Variants in LRRC1 observed in about 807,000 individuals in gnomAD.
LRRC1 encodes leucine rich repeat containing 1, also known as leucine-rich repeat-containing protein 1.
A neutral mutation model predicts 69.9 loss-of-function variants in LRRC1; 28 were observed. The ratio of observed to expected loss-of-function variants is 0.40; its 90% CI spans 0.30 to 0.55. The LOEUF is 0.55. Ranked by LOEUF, LRRC1 falls within the 20% of genes least tolerant of loss-of-function variation. LRRC1 has a pLI of 0.47. For missense variants in LRRC1, 498 were observed against 609.0 expected, an observed-to-expected ratio of 0.82 and a Z score of 1.92; for synonymous variants, 236 against 240.2, an observed-to-expected ratio of 0.98 and a Z score of 0.16.
At chr6:53,914,359 A>C (rs1581919314) in intron 11 of LRRC1, among the ~76,000 whole-genome samples, 1 of 152,150 alleles carries the variant, frequency 6.6e-6, no homozygotes, top group South Asian at 2.1e-4. Context: ...GTGAGTGCAA[A>C]TGAGTTTGAA....
chr6:53,805,978 C>T (rs1764626628), intron 1 of LRRC1, among the ~76,000 whole-genome samples: 1 of 152,188 alleles, frequency 6.6e-6, no homozygotes, highest in African/African-American at 2.4e-5. Context: ...AGTTAGCTGC[C>T]CTTAGTTGCT....
At chr6:53,861,788 T>G (rs189304788) in intron 2 of LRRC1, among the ~76,000 whole-genome samples, 11 of 152,032 alleles carry the variant, frequency 7.2e-5, no homozygotes, top group Non-Finnish European at 1.5e-4. Context: ...AATGACTCAT[T>G]CAGCCTGTGG....
At chr6:53,854,148 A>G (rs1766236041) in intron 2 of LRRC1, among the ~76,000 whole-genome samples, 1 of 152,196 alleles carries the variant, frequency 6.6e-6, no homozygotes, top group Admixed American at 6.5e-5. Context: ...CTGGTAGTGT[A>G]CTACACGAGG....
intron 1 of LRRC1, among the ~76,000 whole-genome samples, chr6:53,807,747 TCAA>T (rs60487267): frequency 0.023 from 3,469 of 150,516 alleles, 85 homozygotes; most frequent in African/African-American, 0.055. Context: ...CTCCGTGTCG[TCAA>T]CAACAACAAC....
rs1768718404 is a variant in LRRC1 at position 53,920,848 on chromosome 6, A to G, written c.1416+87A>G. The G allele has an allele frequency of 1.2e-5, 17 of 1,451,616 alleles. No homozygotes were observed. In the South Asian group the frequency reaches 1.3e-4, roughly 11 times the overall value. The allele number at this position is 1,451,616 out of a possible 1,614,324, so 89.9% of individuals were successfully genotyped here. On this transcript the variant is annotated intron_variant, in intron 13 of 13. Coordinates refer to ENST00000370888, the MANE Select transcript of LRRC1 (RefSeq NM_018214.5). ...CTAATAAGGATATTCTTTATTTTCAATTAGTATGTTCTCTGCTTTGCCTTC... is the reference window on the plus strand; with the variant it reads ...CTAATAAGGATATTCTTTATTTTCAGTTAGTATGTTCTCTGCTTTGCCTTC...
intron 13 of LRRC1, among the ~76,000 whole-genome samples, chr6:53,921,659 C>A (rs1386798249): frequency 6.6e-6 from 1 of 152,188 alleles, no homozygotes; most frequent in Non-Finnish European, 1.5e-5. Flanking sequence ...TTGACTTTGG[C>A]TTCTTAAATT....
chr6:53,898,645 A>G (rs1011083321), intron 7 of LRRC1, among the ~76,000 whole-genome samples: 6 of 152,244 alleles, frequency 3.9e-5, no homozygotes, highest in Admixed American at 3.3e-4. Context: ...GATTTTTCTT[A>G]TCTTCAATGA....
At chr6:53,858,473 C>T (rs1183628963) in intron 2 of LRRC1, among the ~76,000 whole-genome samples, 1 of 152,178 alleles carries the variant, frequency 6.6e-6, no homozygotes, top group African/African-American at 2.4e-5. Context: ...TGGCCAGAGA[C>T]TGTCCCTCTT....
intron 2 of LRRC1, among the ~76,000 whole-genome samples, chr6:53,844,068 G>A (rs1765866907): frequency 6.6e-6 from 1 of 152,140 alleles, no homozygotes; most frequent in Non-Finnish European, 1.5e-5. Context: ...AGTTGTTGAT[G>A]AGCAGCTTCG....
intron 2 of LRRC1, among the ~76,000 whole-genome samples, chr6:53,878,566 G>A (rs1041832768): frequency 4.6e-5 from 7 of 152,154 alleles, no homozygotes; most frequent in African/African-American, 7.2e-5. Context: ...TAATGTGGGC[G>A]CTGATCTGAC....
At chr6:53,886,214 A>G (rs907483508) in intron 4 of LRRC1, among the ~76,000 whole-genome samples, 2 of 152,210 alleles carry the variant, frequency 1.3e-5, no homozygotes, top group African/African-American at 4.8e-5. Context: ...ACAAAGTATT[A>G]TGAAGCCAAG....
At position 53,891,058 on chromosome 6, in the gene LRRC1, G is replaced by T. The variant is rs372030344; in HGVS notation, c.447-5440G>T. Among the ~76,000 whole-genome samples, 32 of 152,286 alleles carry T rather than the reference G, an allele frequency of 2.1e-4. No individual in the cohort carries two copies. The East Asian group carries it at 5.4e-3, about 26-fold the overall frequency. ...AAATAGAATCCTAAAAATACAGTTG[G>T]CCTACATTCTGACTTACAAAAGAGT... On this transcript the variant is annotated intron_variant, in intron 4 of 13. Coordinates refer to ENST00000370888, the MANE Select transcript of LRRC1 (RefSeq NM_018214.5).
At chr6:53,822,229 G>A (rs936043996) in intron 1 of LRRC1, among the ~76,000 whole-genome samples, 1 of 152,166 alleles carries the variant, frequency 6.6e-6, no homozygotes, top group African/African-American at 2.4e-5. Flanking sequence ...TACAGCAATA[G>A]TGAAGGCTCA....
intron 2 of LRRC1, among the ~76,000 whole-genome samples, chr6:53,874,176 C>G (rs1766990617): frequency 6.6e-6 from 1 of 152,190 alleles, no homozygotes; most frequent in Non-Finnish European, 1.5e-5. Flanking sequence ...GGGTGAGTCA[C>G]TTCATCTCTC....
chr6:53,880,817 T>C (rs1461170025), intron 3 of LRRC1, among the ~76,000 whole-genome samples: 1 of 152,246 alleles, frequency 6.6e-6, no homozygotes, highest in African/African-American at 2.4e-5. Context: ...AATGCAACTG[T>C]CATTCCTGGA....
intron 1 of LRRC1, among the ~76,000 whole-genome samples, chr6:53,839,832 G>T (rs1248962302): frequency 6.6e-6 from 1 of 151,848 alleles, no homozygotes; most frequent in African/African-American, 2.4e-5. Context: ...CTTTCCTTTT[G>T]CTTGCTTTGT....
chr6:53,896,849 G>A lies in LRRC1; in HGVS notation c.524G>A (p.Arg175Lys). 1 of 1,603,098 alleles carries A rather than the reference G, an allele frequency of 6.2e-7. No homozygotes were observed. Among genetic ancestry groups the A allele is most frequent in the South Asian group, 1.1e-5 (1 of 90,580 alleles). Residue 175 changes from arginine (R) to lysine (K), a missense_variant, in exon 6 of 14, where the codon AGA (arginine) becomes AAA (lysine). Physicochemically the swap from Arg to Lys is conservative, Grantham distance 26. This residue lies in a region of LRRC1 where 266 missense variants were observed against 383.9 expected (regional missense o/e 0.69). Coordinates refer to ENST00000370888, the MANE Select transcript of LRRC1 (RefSeq NM_018214.5). ...AATAGCTCTCTTACCCAGCTGCGAA[G>A]ACTAGAAGAACTTGATTTAGGAAAC... The part of the protein sequence containing the change: ...YLPDSLTQLR[R>K]LEELDLGNNE...
At chr6:53,805,599 T>C (rs1318078551) in intron 1 of LRRC1, among the ~76,000 whole-genome samples, 1 of 152,214 alleles carries the variant, frequency 6.6e-6, no homozygotes, top group Non-Finnish European at 1.5e-5. Flanking sequence ...TAGTCTTTCA[T>C]TGTACTTCAG....
chr6:53,842,801 CT>C (rs1485667951), intron 2 of LRRC1, among the ~76,000 whole-genome samples: 2 of 152,200 alleles, frequency 1.3e-5, no homozygotes, highest in African/African-American at 4.8e-5. Flanking sequence ...TAATGTGTTT[CT>C]AATTAGGCTG....
Sources: gnomAD v4.1 joint callset for allele counts (sites outside exome capture counted in the v4.1 genomes callset) on GRCh38, gnomAD v4.1.1 for gene constraint, gnomAD v4.1.1 regional missense constraint, MANE v1.5 for transcripts, NCBI Gene and HGNC (gene_info 2026-07-23, HGNC 2026-07-21) for gene names.